ACSM3: variants seen among roughly 807,000 people sequenced by gnomAD.
The protein encoded by ACSM3 is acyl-coenzyme A synthetase ACSM3, mitochondrial.
ACSM3 carries 61 observed loss-of-function variants against 74.1 expected under a neutral mutation model. The ratio of observed to expected loss-of-function variants is 0.82; its 90% CI spans 0.67 to 1.02. ACSM3 has a LOEUF of 1.02. Among genes scored for constraint, ACSM3 ranks in the 50% least tolerant of loss-of-function variants. The pLI, the probability that ACSM3 is intolerant of heterozygous loss-of-function variation, is 0.00. For missense variants in ACSM3, 660 were observed against 697.0 expected (o/e 0.95, Z 0.60); for synonymous variants, 213 against 241.5 (o/e 0.88, Z 1.09).
At chr16:20,684,234 A>G (rs928086673) in intron 1 of ACSM3, among the ~76,000 whole-genome samples, 2 of 152,228 alleles carry the variant, frequency 1.3e-5, no homozygotes, top group Non-Finnish European at 2.9e-5. Flanking sequence ...ACATGGTAAT[A>G]TTCAATTAGG....
chr16:20,781,229 A>G (rs140969984), intron 6 of ACSM3, 99 bp downstream of exon 6: 5 of 1,407,352 alleles, frequency 3.6e-6, no homozygotes, highest in Non-Finnish European at 4.8e-6. Flanking sequence ...CAGAGTAGAC[A>G]ATATGATTTA....
Position 20,780,858 on chromosome 16 carries a change from G to C in ACSM3, c.782+1G>C. On this transcript the variant is annotated splice_donor_variant, in intron 5 of 13. Coordinates refer to ENST00000289416, the MANE Select transcript of ACSM3 (RefSeq NM_005622.4). LOFTEE classifies it high-confidence loss of function. ...GTTTAGGATTATCTGTAAATGGAAGGTATACTTTCACAAAAGTGCAGCTTG... is the reference window on the plus strand; with the variant it reads ...GTTTAGGATTATCTGTAAATGGAAGCTATACTTTCACAAAAGTGCAGCTTG... 1 of 1,614,196 alleles carries C rather than the reference G, an allele frequency of 6.2e-7. No homozygotes were observed. The highest frequency in any genetic ancestry group is 1.1e-5 in the South Asian group (1 of 91,082).
intron 1 of ACSM3, chr16:20,737,116 G>T (rs776927825): frequency 5.6e-6 from 9 of 1,614,062 alleles, no homozygotes; most frequent in Non-Finnish European, 8.5e-7. Flanking sequence ...GAGTTAAGCT[G>T]TGACGGATCC....
At chr16:20,678,141 A>G (rs796920025) in intron 1 of ACSM3, among the ~76,000 whole-genome samples, 1 of 152,198 alleles carries the variant, frequency 6.6e-6, no homozygotes, top group Non-Finnish European at 1.5e-5. Context: ...ATCCCAAGCT[A>G]CACTCCAAAT....
chr16:20,797,464 A>AT lies in ACSM3; in HGVS notation c.*498dup, dbSNP rs2080743269. ...TAGACTAGGGATTTTTATTAGTCACATTTTTTGCAAATAATTTAAAAATAG... is the reference window on the plus strand; with the variant it reads ...TAGACTAGGGATTTTTATTAGTCACATTTTTTTGCAAATAATTTAAAAATAG... On this transcript the variant is annotated 3_prime_UTR_variant, in exon 14 of 14. Transcript: ENST00000289416. The AT allele has an allele frequency of 9.4e-7, 1 of 1,065,356 alleles. No individual in the cohort carries two copies. 66.0% of individuals were successfully genotyped at this position (1,065,356 alleles called of 1,614,324 possible). A position where few individuals can be genotyped will look rare whatever the true frequency, so the allele number is the denominator to read the frequency against.
chr16:20,773,789 C>A (rs2080221790), intron 2 of ACSM3, among the ~76,000 whole-genome samples: 1 of 152,136 alleles, frequency 6.6e-6, no homozygotes, highest in South Asian at 2.1e-4. Flanking sequence ...ATGGTCTATT[C>A]TGGAGAATGT....
At chr16:20,744,758 C>T (rs1379445863) in intron 1 of ACSM3, among the ~76,000 whole-genome samples, 1 of 152,206 alleles carries the variant, frequency 6.6e-6, no homozygotes, top group African/African-American at 2.4e-5. Flanking sequence ...CCATTTCCTG[C>T]ACCTCACTTT....
rs74755779 is a variant in ACSM3 at position 20,777,623 on chromosome 16, A to G, written c.638+43A>G. 4.7e-3 allele frequency: 7,203 copies of G among 1,527,190 alleles called. 283 individuals are homozygous for G. In the African/African-American group the frequency reaches 0.085, roughly 18 times the overall value. The allele number at this position is 1,527,190 out of a possible 1,614,324, so 94.6% of individuals were successfully genotyped here. On this transcript the variant is annotated intron_variant, in intron 4 of 13. Coordinates refer to ENST00000289416, the MANE Select transcript of ACSM3 (RefSeq NM_005622.4). The stretch of plus-strand genomic sequence containing the variant: ...TTGTAAAACAGCTTCCCAAAAGGAA[A>G]GGCAACAATAAAAAGATATTAAACC...
At chr16:20,764,538 A>T (rs2080105547) in intron 1 of ACSM3, 1 of 152,242 alleles carries the variant, frequency 6.6e-6, no homozygotes, top group South Asian at 2.1e-4. Flanking sequence ...AGCTTGGCCA[A>T]CATGGTGAAA....
At chr16:20,772,417 A>T (rs1050777820) in intron 2 of ACSM3, among the ~76,000 whole-genome samples, 5 of 114,850 alleles carry the variant, frequency 4.4e-5, no homozygotes, top group African/African-American at 1.2e-4. Flanking sequence ...AATTAAAATA[A>T]AAAATAAAAC....
In ACSM3 at chr16:20,691,023, G is replaced by A. The variant is rs1471551184; in HGVS notation, c.-190+16201G>A. ...TTCTCCTTTTGAGCCCAGTAGTCCA[G>A]TACATAACTTGCAAAGTTAAATTCC... On this transcript the variant is annotated intron_variant, in intron 1 of 3. Transcript: ENST00000561584. 4.3e-6 allele frequency: 7 copies of A among 1,613,578 alleles called. No individual in the cohort carries two copies. The Admixed American group carries it at 5.0e-5, about 12-fold the overall frequency.
chr16:20,693,736 T>G (rs2079675357), intron 1 of ACSM3, among the ~76,000 whole-genome samples: 1 of 152,192 alleles, frequency 6.6e-6, no homozygotes, highest in East Asian at 1.9e-4. Context: ...CTCCACTTAT[T>G]GTAGCTGTCC....
intron 1 of ACSM3, chr16:20,738,818 T>C: frequency 6.6e-7 from 1 of 1,521,988 alleles, no homozygotes; most frequent in Non-Finnish European, 9.0e-7. Context: ...CAAGAAGCCA[T>C]TTTGTAAGCA....
chr16:20,724,906 T>A (rs1249763588), intron 1 of ACSM3, among the ~76,000 whole-genome samples: 1 of 152,158 alleles, frequency 6.6e-6, no homozygotes, highest in Non-Finnish European at 1.5e-5. Context: ...GGAAGAACAT[T>A]CCATGCTCAT....
intron 1 of ACSM3, among the ~76,000 whole-genome samples, chr16:20,746,735 G>A (rs1359185691): frequency 6.6e-6 from 1 of 152,178 alleles, no homozygotes; most frequent in Non-Finnish European, 1.5e-5. Context: ...GCCCCTAGAG[G>A]AGTCAAATTT....
chr16:20,720,421 A>G (rs576378572), intron 1 of ACSM3, among the ~76,000 whole-genome samples: 1 of 152,338 alleles, frequency 6.6e-6, no homozygotes, highest in South Asian at 2.1e-4. Context: ...ACGCACTCCT[A>G]TAAGAATCTA....
chr16:20,753,120 T>C (rs2080000972), intron 2 of ACSM3, among the ~76,000 whole-genome samples: 1 of 151,904 alleles, frequency 6.6e-6, no homozygotes, highest in South Asian at 2.1e-4. Flanking sequence ...GTGTTGCCCT[T>C]GTTTGGACAC....
At chr16:20,724,969 T>C (rs2079799519) in intron 1 of ACSM3, among the ~76,000 whole-genome samples, 1 of 152,176 alleles carries the variant, frequency 6.6e-6, no homozygotes, top group Non-Finnish European at 1.5e-5. Context: ...AGGTAATGTA[T>C]AGATTCAATG....
At position 20,790,494 on chromosome 16, in the gene ACSM3, T is replaced by C. The variant is rs1208479326; in HGVS notation, c.1225-93T>C. On this transcript the variant is annotated intron_variant, in intron 9 of 13. Transcript: ENST00000289416. The surrounding 1 kb of genome is among the most constrained non-coding windows in gnomAD (Gnocchi z 4.0). Reference sequence around the variant, plus strand: ...TTTTTTTTAAGTCTTCATTTTTAAATGGCAAAAGCCAAAATAAAACTTGCA... The same window carrying C: ...TTTTTTTTAAGTCTTCATTTTTAAACGGCAAAAGCCAAAATAAAACTTGCA... 6 of 1,307,010 alleles carry C rather than the reference T, an allele frequency of 4.6e-6. No homozygotes were observed. The highest frequency in any genetic ancestry group is 1.5e-5 in the African/African-American group (1 of 66,546). The allele number at this position is 1,307,010 out of a possible 1,614,324, so 81.0% of individuals were successfully genotyped here. A position where few individuals can be genotyped will look rare whatever the true frequency, so the allele number is the denominator to read the frequency against.
Sources: allele counts gnomAD v4.1 joint callset (sites outside exome capture counted in the v4.1 genomes callset), GRCh38; gene constraint gnomAD v4.1.1; non-coding constraint Gnocchi (gnomAD v3.1); transcripts MANE v1.5; gene names NCBI Gene and HGNC (gene_info 2026-07-23, HGNC 2026-07-21).